The following APC variants were observed in gnomAD, a reference collection of about 807,000 sequenced individuals.
The protein encoded by APC is adenomatous polyposis coli protein.
APC carries 72 observed loss-of-function variants against 247.0 expected under a neutral mutation model. The ratio of observed to expected loss-of-function variants is 0.29; its 90% confidence interval spans 0.24 to 0.35. APC has a LOEUF of 0.35. Among genes scored for constraint, APC ranks in the 10% least tolerant of loss-of-function variants. The pLI is 1.00. For missense variants in APC, 3,400 were observed against 3,360.7 expected (o/e 1.01, Z -0.29); for synonymous variants, 1,254 against 1,162.5 (o/e 1.08, Z -1.60).
intron 3 of APC, 135 bp from the exon 4 acceptor site, chr5:112,767,054 A>AT: frequency 1.3e-6 from 1 of 795,692 alleles, no homozygotes; most frequent in Admixed American, 2.4e-5. Flanking sequence ...GTCCTAAATA[A>AT]TTTTTGTTTT....
intron 2 of APC, among the ~76,000 whole-genome samples, chr5:112,761,263 G>T (rs987289224): frequency 2.0e-5 from 3 of 152,162 alleles, no homozygotes; most frequent in African/African-American, 4.8e-5. Context: ...TATATGAAAT[G>T]CAGAGAAACT....
intron 1 of APC, among the ~76,000 whole-genome samples, chr5:112,720,057 T>A (rs994507416): frequency 6.6e-6 from 1 of 152,234 alleles, no homozygotes; most frequent in Non-Finnish European, 1.5e-5. Flanking sequence ...TAGAAATTCT[T>A]CTAGGCAAAC....
At position 112,819,076 on chromosome 5, in the gene APC, A is replaced by G. The variant is rs772902822; in HGVS notation, c.1044A>G (p.Arg348=). 6.2e-7 allele frequency: 1 copy of G among 1,614,118 alleles called. No individual in the cohort carries two copies. Among genetic ancestry groups the G allele is most frequent in the Non-Finnish European group, 8.5e-7 (1 of 1,180,006 alleles). ...SSSQDSCISM[R]QSGCLPLLIQ... Reference sequence around the variant, plus strand: ...CCCAAGACAGCTGTATATCCATGCGACAGTCTGGATGTCTTCCTCTCCTCA... The same window carrying G: ...CCCAAGACAGCTGTATATCCATGCGGCAGTCTGGATGTCTTCCTCTCCTCA... The change falls in exon 10 of 16, where the codon CGA becomes CGG. Residue 348 remains arginine, a synonymous_variant. Coordinates refer to ENST00000257430, the MANE Select transcript of APC (RefSeq NM_000038.6).
At position 112,843,339 on chromosome 5, in the gene APC, A is replaced by C; in HGVS notation, c.7745A>C (p.Glu2582Ala). ...CTTTCTGCTTCATCAGAATCCAGTG[A>C]AAAAGCAAAAAGTGAGGATGAAAAA... is the stretch of plus-strand genomic sequence containing the variant. The part of the protein sequence containing the change: ...SILSASSESS[E>A]KAKSEDEKHV... Residue 2582 changes from glutamate to alanine, a missense_variant, in exon 16 of 16, where the codon GAA (glutamate) becomes GCA (alanine). This residue lies in a region of APC where 1,788 missense variants were observed against 1,649.5 expected (regional missense o/e 1.08). Transcript: ENST00000257430. The surrounding 1 kb of genome is among the most constrained non-coding windows in gnomAD (Gnocchi z 4.8). The C allele has an allele frequency of 6.2e-7, 1 of 1,613,968 alleles. No individual in the cohort carries two copies. The highest frequency in any genetic ancestry group is 1.3e-5 in the African/African-American group (1 of 75,036).
chr5:112,776,414 C>T (rs558684749), intron 5 of APC, among the ~76,000 whole-genome samples: 9 of 152,258 alleles, frequency 5.9e-5, no homozygotes, highest in African/African-American at 2.2e-4. Context: ...GTTTGTTCAC[C>T]GATTTATGAC....
At chr5:112,729,191 T>C (rs1051348975) in intron 1 of APC, among the ~76,000 whole-genome samples, 3 of 152,238 alleles carry the variant, frequency 2.0e-5, no homozygotes, top group African/African-American at 4.8e-5. Context: ...AGCACTGTTA[T>C]AGATGCGAGG....
chr5:112,708,317 C>T (rs895524103), intron 1 of APC, among the ~76,000 whole-genome samples: 59 of 152,184 alleles, frequency 3.9e-4, no homozygotes, highest in Admixed American at 1.3e-3. Flanking sequence ...GGGCTGTTAT[C>T]CAAAGGCCGG....
intron 1 of APC, among the ~76,000 whole-genome samples, chr5:112,721,019 G>A (rs1304897365): frequency 6.6e-6 from 1 of 152,086 alleles, no homozygotes; most frequent in Admixed American, 6.6e-5. Flanking sequence ...AATGATGAGA[G>A]CATTTTTGAT....
chr5:112,840,020 G>T lies in APC; in HGVS notation c.4426G>T (p.Val1476Phe). ...GPKQAAVNAAVQRVQVLPDAD... is the reference protein window; with the variant it reads ...GPKQAAVNAAFQRVQVLPDAD... ...TAAGCAAGCTGCAGTAAATGCTGCA[G>T]TTCAGAGGGTCCAGGTTCTTCCAGA... The change falls in exon 16 of 16, where the codon GTT becomes TTT. Residue 1476 changes from valine (V) to phenylalanine (F), a missense_variant. Physicochemically the swap from Val to Phe is conservative, Grantham distance 50 (BLOSUM62 -1). This residue lies in a region of APC where 1,788 missense variants were observed against 1,649.5 expected (regional missense o/e 1.08). Transcript: ENST00000257430. This position sits in a 1 kb window ranked among gnomAD's most constrained non-coding sequence, Gnocchi z 4.1. 1 of 1,614,160 alleles carries T rather than the reference G, an allele frequency of 6.2e-7. No individual in the cohort carries two copies. Among genetic ancestry groups the T allele is most frequent in the Non-Finnish European group, 8.5e-7 (1 of 1,180,020 alleles).
chr5:112,710,999 A>G (rs1240360233), intron 1 of APC, among the ~76,000 whole-genome samples: 1 of 152,136 alleles, frequency 6.6e-6, no homozygotes, highest in Non-Finnish European at 1.5e-5. Flanking sequence ...GTTATCTGTG[A>G]CCTCCGAATC....
intron 8 of APC, 83 bp downstream of exon 8, chr5:112,801,466 A>G (rs1760821210): frequency 1.9e-6 from 2 of 1,041,458 alleles, no homozygotes; most frequent in Admixed American, 2.1e-5. Context: ...AGAATGATCT[A>G]TAAATCTTAC....
chr5:112,764,113 G>A (rs1183739132), intron 2 of APC, among the ~76,000 whole-genome samples: 2 of 151,890 alleles, frequency 1.3e-5, no homozygotes, highest in South Asian at 2.1e-4. Flanking sequence ...GGGCGTGGTG[G>A]CGGGAGCCTG....
rs1580643905 is a variant in APC, at chr5:112,839,684, A to G, written c.4090A>G (p.Ser1364Gly). The G allele has an allele frequency of 6.2e-7, 1 of 1,614,150 alleles. No individual in the cohort carries two copies. Among genetic ancestry groups the G allele is most frequent in the Non-Finnish European group, 8.5e-7 (1 of 1,180,012 alleles). Residue 1364 changes from serine (S) to glycine (G), a missense_variant, in exon 16 of 16, where the codon AGT (serine) becomes GGT (glycine). By Grantham distance (56) the Ser-to-Gly change is moderately conservative. Coordinates refer to ENST00000257430, the MANE Select transcript of APC (RefSeq NM_000038.6). This position sits in a 1 kb window ranked among gnomAD's most constrained non-coding sequence, Gnocchi z 5.0. ...TTCAGGAGCGAAATCTCCCTCCAAA[A>G]GTGGTGCTCAGACACCCAAAAGTCC... ...FSSGAKSPSK[S>G]GAQTPKSPPE...
At chr5:112,754,015 C>G (rs1055379229) in intron 1 of APC, among the ~76,000 whole-genome samples, 19 of 152,152 alleles carry the variant, frequency 1.2e-4, no homozygotes, top group African/African-American at 4.6e-4. Context: ...CTAAAGTCCT[C>G]TTACCTGGCT....
rs2909787 is a variant in APC, at chr5:112,832,433, G to C, written c.1744-2518G>C. ...ACTCTATCTGCCTCCTACCACTTATGTGACAAATTATGTCTAAACCTGCTC... is the reference window on the plus strand; with the variant it reads ...ACTCTATCTGCCTCCTACCACTTATCTGACAAATTATGTCTAAACCTGCTC... On this transcript the variant is annotated intron_variant, in intron 14 of 15. Transcript: ENST00000257430. Among the ~76,000 whole-genome samples the C allele has an allele frequency of 0.55, 83,136 of 152,032 alleles. 23,292 individuals carry two copies. The highest frequency in any genetic ancestry group is 0.82 in the East Asian group (4,250 of 5,184).
At chr5:112,777,098 C>T (rs751107766) in intron 5 of APC, among the ~76,000 whole-genome samples, 8 of 152,082 alleles carry the variant, frequency 5.3e-5, no homozygotes, top group Non-Finnish European at 1.0e-4. Flanking sequence ...ATTCATTTAA[C>T]TTGAAATGTA....
At chr5:112,828,771 T>C in intron 13 of APC, 85 bp from the exon 14 acceptor site, 1 of 948,340 alleles carries the variant, frequency 1.1e-6, no homozygotes, top group South Asian at 1.4e-5. Flanking sequence ...TTAATAGATT[T>C]CTATTCTTAC....
intron 1 of APC, among the ~76,000 whole-genome samples, chr5:112,754,609 C>T (rs1232975808): frequency 6.6e-6 from 1 of 151,904 alleles, no homozygotes; most frequent in Non-Finnish European, 1.5e-5. Flanking sequence ...AAGTTTAATC[C>T]ATCTGTGAGA....
In APC at chr5:112,845,216, A is replaced by T. The variant is rs993934655; in HGVS notation, c.*1090A>T. 7 of 232,568 alleles carry T rather than the reference A, an allele frequency of 3.0e-5. No homozygotes were observed. Among genetic ancestry groups the T allele is most frequent in the Non-Finnish European group, 5.1e-5 (6 of 117,476 alleles). 14.4% of individuals were successfully genotyped at this position (232,568 alleles called of 1,614,324 possible). On this transcript the variant is annotated 3_prime_UTR_variant, in exon 16 of 16. Transcript: ENST00000257430. ...TCTTTTATGTGATTAGCTCATCTTG[A>T]TTTTTAATATTTTTCCACTTAAACT...
Sources: allele counts gnomAD v4.1 joint callset (sites outside exome capture counted in the v4.1 genomes callset), GRCh38; gene constraint gnomAD v4.1.1; regional missense constraint gnomAD v4.1.1; non-coding constraint Gnocchi (gnomAD v3.1); transcripts MANE v1.5; gene names NCBI Gene and HGNC (gene_info 2026-07-23, HGNC 2026-07-21).